CLDN10: variants seen among roughly 807,000 people sequenced by gnomAD.
The protein encoded by CLDN10 is claudin 10, also known as claudin-10.
Under a neutral mutation model 22.9 loss-of-function variants are expected in CLDN10, and 15 were observed. The observed-to-expected ratio is 0.65, with a 90% confidence interval of 0.44 to 1.01. The LOEUF is 1.01. Among genes scored for constraint, CLDN10 ranks in the 50% least tolerant of loss-of-function variants. The probability of loss-of-function intolerance (pLI) is 0.00; values close to 1 mark genes in which losing one functional copy is unlikely to be tolerated. For missense variants in CLDN10, 247 were observed against 287.8 expected (o/e 0.86, Z 1.03); for synonymous variants, 114 against 111.4 (o/e 1.02, Z -0.15).
intron 1 of CLDN10, among the ~76,000 whole-genome samples, chr13:95,533,488 T>A (rs1396208923): frequency 2.0e-5 from 3 of 152,194 alleles, no homozygotes; most frequent in Non-Finnish European, 2.9e-5. Context: ...TGTTTTCCAA[T>A]GGGACTATTT....
chr13:95,540,441 C>T (rs995864136), intron 1 of CLDN10, among the ~76,000 whole-genome samples: 3 of 152,006 alleles, frequency 2.0e-5, no homozygotes, highest in African/African-American at 7.2e-5. Context: ...TTGCAGTGAG[C>T]CAAGATAGCA....
intron 1 of CLDN10, among the ~76,000 whole-genome samples, chr13:95,502,735 G>T (rs1260816966): frequency 2.0e-5 from 3 of 152,124 alleles, no homozygotes; most frequent in African/African-American, 7.2e-5. Context: ...TGGCCAGGCT[G>T]GTCTTGAACA....
chr13:95,440,074 T>C (rs1251496718), intron 1 of CLDN10, among the ~76,000 whole-genome samples: 2 of 152,076 alleles, frequency 1.3e-5, no homozygotes, highest in South Asian at 2.1e-4. Flanking sequence ...CCACCATGCC[T>C]GGCTAATTTT....
chr13:95,548,373 G>C (rs907030637), upstream of CLDN10, among the ~76,000 whole-genome samples: 2 of 152,106 alleles, frequency 1.3e-5, no homozygotes, highest in Non-Finnish European at 2.9e-5. Context: ...AATCCACAAG[G>C]TATATGGCAC....
chr13:95,434,323 A>G (rs1365520670), intron 1 of CLDN10, among the ~76,000 whole-genome samples: 1 of 152,062 alleles, frequency 6.6e-6, no homozygotes, highest in Non-Finnish European at 1.5e-5. Flanking sequence ...GATTGTTTTA[A>G]AAGTCAGTTT....
intron 1 of CLDN10, among the ~76,000 whole-genome samples, chr13:95,507,531 A>G (rs1404795438): frequency 6.6e-6 from 1 of 152,076 alleles, no homozygotes; most frequent in Non-Finnish European, 1.5e-5. Context: ...ACTCCTATGT[A>G]ATCCCAGCAC....
chr13:95,517,128 T>C (rs1292415669), intron 1 of CLDN10, among the ~76,000 whole-genome samples: 1 of 151,346 alleles, frequency 6.6e-6, no homozygotes, highest in Non-Finnish European at 1.5e-5. Flanking sequence ...TTCTCTTTCT[T>C]TCTCTCCCTT....
chr13:95,519,296 C>T (rs1418160032), intron 1 of CLDN10, among the ~76,000 whole-genome samples: 2 of 152,192 alleles, frequency 1.3e-5, no homozygotes, highest in African/African-American at 4.8e-5. Context: ...CCTAAACAAG[C>T]AGATGGATGC....
chr13:95,445,718 T>C (rs1407009059), intron 1 of CLDN10, among the ~76,000 whole-genome samples: 1 of 152,206 alleles, frequency 6.6e-6, no homozygotes, highest in Non-Finnish European at 1.5e-5. Flanking sequence ...ACACCAATTG[T>C]AGAGAGTGAG....
intron 1 of CLDN10, among the ~76,000 whole-genome samples, chr13:95,467,533 G>GA (rs879355361): frequency 8.0e-4 from 122 of 151,624 alleles, no homozygotes; most frequent in Non-Finnish European, 1.5e-3. Context: ...TTTTTTTGGG[G>GA]GGGGCAATTT....
chr13:95,490,710 C>T (rs2042864108), intron 1 of CLDN10, among the ~76,000 whole-genome samples: 1 of 152,112 alleles, frequency 6.6e-6, no homozygotes, highest in African/African-American at 2.4e-5. Context: ...GGAGAAAGTT[C>T]CATGCTCTGT....
intron 1 of CLDN10, among the ~76,000 whole-genome samples, chr13:95,488,934 A>AGTTCTACT (rs1271501381): frequency 6.9e-6 from 1 of 145,168 alleles, no homozygotes; most frequent in Non-Finnish European, 1.5e-5. Context: ...ATCAAATCAT[A>AGTTCTACT]GTTCTACTTT....
chr13:95,463,589 T>G (rs1162951142), intron 1 of CLDN10, among the ~76,000 whole-genome samples: 2 of 151,758 alleles, frequency 1.3e-5, no homozygotes, highest in African/African-American at 4.8e-5. Context: ...CACTTCAGGC[T>G]CCCAAAGTGC....
At chr13:95,544,854 G>A (rs1334228320) in intron 1 of CLDN10, among the ~76,000 whole-genome samples, 1 of 151,420 alleles carries the variant, frequency 6.6e-6, no homozygotes, top group Non-Finnish European at 1.5e-5. Flanking sequence ...TCAGCTCACT[G>A]CAACCTCCAT....
chr13:95,510,975 T>G (rs1299238245), intron 1 of CLDN10, among the ~76,000 whole-genome samples: 1 of 152,162 alleles, frequency 6.6e-6, no homozygotes, highest in Non-Finnish European at 1.5e-5. Flanking sequence ...TTGGAAACGC[T>G]CTGTCAGCCA....
chr13:95,559,364 T>A (rs574456154), intron 1 of CLDN10, among the ~76,000 whole-genome samples: 1 of 152,310 alleles, frequency 6.6e-6, no homozygotes, highest in Non-Finnish European at 1.5e-5. Flanking sequence ...ACAGGAAGGA[T>A]GAACAAACGA....
At chr13:95,470,354 C>T (rs2042617989) in intron 1 of CLDN10, among the ~76,000 whole-genome samples, 1 of 152,110 alleles carries the variant, frequency 6.6e-6, no homozygotes. Context: ...GCTCAAAGGA[C>T]CTCCCACCTC....
chr13:95,498,048 A>C (rs2042946605), intron 1 of CLDN10, among the ~76,000 whole-genome samples: 1 of 152,244 alleles, frequency 6.6e-6, no homozygotes, highest in Non-Finnish European at 1.5e-5. Flanking sequence ...TTCTAGATGT[A>C]ATAAAATTAA....
At chr13:95,536,849 G>A (rs371212696) in intron 1 of CLDN10, among the ~76,000 whole-genome samples, 6 of 152,190 alleles carry the variant, frequency 3.9e-5, no homozygotes, top group South Asian at 4.1e-4. Context: ...ATCCAAAAGA[G>A]GGCGCAAATT....
Sources: gnomAD v4.1 joint callset for allele counts (sites outside exome capture counted in the v4.1 genomes callset) on GRCh38, gnomAD v4.1.1 for gene constraint, MANE v1.5 for transcripts, NCBI Gene and HGNC (gene_info 2026-07-23, HGNC 2026-07-21) for gene names.